Variants in FAM133B observed in about 807,000 individuals in gnomAD.
The protein encoded by FAM133B is family with sequence similarity 133 member B, also known as protein FAM133B.
In FAM133B, 25 loss-of-function variants were observed where a neutral mutation model predicts 46.4. The observed-to-expected ratio is 0.54, with a 90% CI of 0.39 to 0.75. The LOEUF is 0.75. Ranked by LOEUF, FAM133B falls within the 30% of genes least tolerant of loss-of-function variation. The pLI is 0.00. For missense variants in FAM133B, 205 were observed against 277.6 expected (o/e 0.74, Z 1.86); for synonymous variants, 75 against 86.0 (o/e 0.87, Z 0.71).
chr7:92,579,860 G>T (rs1300730919), intron 2 of FAM133B, among the ~76,000 whole-genome samples: 1 of 152,060 alleles, frequency 6.6e-6, no homozygotes, highest in Non-Finnish European at 1.5e-5. Context: ...ATTTAATAAG[G>T]TACCTAACAT....
chr7:92,575,113 T>G (rs1200697313), intron 8 of FAM133B, among the ~76,000 whole-genome samples: 2 of 152,202 alleles, frequency 1.3e-5, no homozygotes. Context: ...TTTACAATAG[T>G]AAGAAGATTT....
chr7:92,570,014 C>T, intron 8 of FAM133B, 99 bp from the exon 9 acceptor site: 1 of 489,398 alleles, frequency 2.0e-6, no homozygotes, highest in Non-Finnish European at 3.3e-6. Context: ...ATTATAATTA[C>T]CCATTTTTAT....
At chr7:92,563,298 C>T (rs1794215584) in intron 10 of FAM133B, among the ~76,000 whole-genome samples, 1 of 152,182 alleles carries the variant, frequency 6.6e-6, no homozygotes, top group African/African-American at 2.4e-5. Context: ...TTTCTCACTA[C>T]ATGTTTGAAG....
chr7:92,577,276 A>G, intron 6 of FAM133B, 81 bp from the exon 7 acceptor site: 1 of 936,248 alleles, frequency 1.1e-6, no homozygotes, highest in Non-Finnish European at 1.5e-6. Context: ...AACTTTTATC[A>G]GTGAACAAAA....
intron 8 of FAM133B, among the ~76,000 whole-genome samples, chr7:92,572,413 TC>T (rs1433474339): frequency 3.3e-5 from 5 of 152,290 alleles, no homozygotes; most frequent in Non-Finnish European, 7.4e-5. Flanking sequence ...GTCCAAAGTA[TC>T]CTTTAGAAAA....
intron 10 of FAM133B, chr7:92,565,571 C>T (rs1273665173): frequency 6.2e-6 from 1 of 161,798 alleles, no homozygotes. Context: ...TCACGCCATT[C>T]TCCTGCCTCA....
At chr7:92,578,032 G>T in intron 5 of FAM133B, 118 bp downstream of exon 5, 1 of 899,878 alleles carries the variant, frequency 1.1e-6, no homozygotes. Context: ...GAACCTCTAA[G>T]TTCCTTGACT....
rs1411468295 is a variant in FAM133B, at chr7:92,577,680, C to A, written c.347G>T (p.Ser116Ile). 1 of 1,584,796 alleles carries A rather than the reference C, an allele frequency of 6.3e-7. No homozygotes were observed. Among genetic ancestry groups the A allele is most frequent in the Admixed American group, 1.8e-5 (1 of 56,140 alleles). Reference sequence around the variant, plus strand: ...CTCATCTTCAGAATCAGAAGAACTGCTGGAAGAATCAGAGCTTGATGAAGA... The same window carrying A: ...CTCATCTTCAGAATCAGAAGAACTGATGGAAGAATCAGAGCTTGATGAAGA... ...SSSSSSSDSS[S>I]SSSDSEDEDK... The change falls in exon 6 of 11, where the codon AGC becomes ATC. Residue 116 changes from serine to isoleucine, a missense_variant. Physicochemically the swap from Ser to Ile is moderately radical, Grantham distance 142. Coordinates refer to ENST00000445716, the MANE Select transcript of FAM133B (RefSeq NM_152789.4).
chr7:92,579,439 T>G (rs1794800904), intron 2 of FAM133B, 44 bp from the exon 3 acceptor site: 1 of 1,380,112 alleles, frequency 7.2e-7, no homozygotes, highest in South Asian at 1.3e-5. Context: ...GCAATTCAAA[T>G]TAGATAAATG....
rs1477322276 is a variant in FAM133B at position 92,561,115 on chromosome 7, A to G, written c.*1167T>C. ...AAAGACAACAAACTTTTAAAACATT[A>G]CATTTACTAAGATTCTGGCAATAAG... is the stretch of plus-strand genomic sequence containing the variant. On this transcript the variant is annotated 3_prime_UTR_variant, in exon 11 of 11. Coordinates refer to ENST00000445716, the MANE Select transcript of FAM133B (RefSeq NM_152789.4). The G allele has an allele frequency of 6.6e-6, 1 of 152,294 alleles. No homozygotes were observed. The highest frequency in any genetic ancestry group is 1.9e-4 in the East Asian group (1 of 5,178). The allele number at this position is 152,294 out of a possible 1,614,324, so 9.4% of individuals were successfully genotyped here. A position where few individuals can be genotyped will look rare whatever the true frequency, so the allele number is the denominator to read the frequency against.
intron 1 of FAM133B, among the ~76,000 whole-genome samples, chr7:92,584,467 C>G (rs1273744309): frequency 6.6e-6 from 1 of 152,144 alleles, no homozygotes; most frequent in Non-Finnish European, 1.5e-5. Flanking sequence ...ACAACACATA[C>G]TGAGAACTAT....
chr7:92,570,141 C>T (rs966568474), intron 8 of FAM133B, among the ~76,000 whole-genome samples: 1 of 152,022 alleles, frequency 6.6e-6, no homozygotes, highest in Non-Finnish European at 1.5e-5. Flanking sequence ...TAATATCCAT[C>T]TTATTTTCTT....
chr7:92,575,824 A>T lies in FAM133B; in HGVS notation c.466-3T>A. ...TTCTTTTTCTTTTTTAAACTATCCT[A>T]AACAAAGAAATATATGTATCAATTT... On this transcript the variant is annotated splice_region_variant and splice_polypyrimidine_tract_variant and intron_variant, in intron 7 of 10. Coordinates refer to ENST00000445716, the MANE Select transcript of FAM133B (RefSeq NM_152789.4). 8.0e-7 allele frequency: 1 copy of T among 1,247,836 alleles called. No homozygotes were observed. The highest frequency in any genetic ancestry group is 1.2e-6 in the Non-Finnish European group (1 of 862,576). 77.3% of individuals were successfully genotyped at this position (1,247,836 alleles called of 1,614,324 possible).
At chr7:92,573,464 CTT>C (rs113673654) in intron 8 of FAM133B, among the ~76,000 whole-genome samples, 193 of 144,496 alleles carry the variant, frequency 1.3e-3, no homozygotes, top group African/African-American at 4.5e-3. Flanking sequence ...CTTTTTTCTT[CTT>C]TTTTTTTTTT....
rs1794176980 is a variant in FAM133B, at chr7:92,562,160, C to T, written c.*122G>A. ...GGCATCTGAGTGGCTACTGAATAGT[C>T]CAGGAATAATTCCAAAAACAAGAAA... On this transcript the variant is annotated 3_prime_UTR_variant, in exon 11 of 11. Transcript: ENST00000445716. The T allele has an allele frequency of 1.5e-5, 19 of 1,249,382 alleles. No homozygotes were observed. The South Asian group carries it at 2.8e-4, about 19-fold the overall frequency. 77.4% of individuals were successfully genotyped at this position (1,249,382 alleles called of 1,614,324 possible).
intron 1 of FAM133B, chr7:92,589,734 T>C (rs1795136064): frequency 6.5e-6 from 1 of 154,366 alleles, no homozygotes; most frequent in Non-Finnish European, 1.4e-5. Flanking sequence ...AATGCTGCCA[T>C]CCCATTTTCA....
intron 3 of FAM133B, chr7:92,579,081 A>G (rs1424208404): frequency 4.6e-6 from 2 of 437,060 alleles, no homozygotes; most frequent in East Asian, 9.3e-5. Context: ...CACCATAACA[A>G]TAACACTTCT....
intron 1 of FAM133B, among the ~76,000 whole-genome samples, chr7:92,583,739 C>T (rs1794955313): frequency 6.6e-6 from 1 of 151,844 alleles, no homozygotes; most frequent in Non-Finnish European, 1.5e-5. Context: ...TTATTTATTA[C>T]TATTATTATT....
In FAM133B at chr7:92,590,264, TC is replaced by T. The variant is rs1795163348; in HGVS notation, c.24+3del. On this transcript the variant is annotated splice_donor_region_variant and intron_variant, in intron 1 of 10. Coordinates refer to ENST00000445716, the MANE Select transcript of FAM133B (RefSeq NM_152789.4). ...CCCCACTGTTTTCCCGGCTGAGTAC[TC>T]ACCACCCGATTGTCCCGCTTCCCCA... The T allele has an allele frequency of 6.2e-7, 1 of 1,613,550 alleles. No individual in the cohort carries two copies. Among genetic ancestry groups the T allele is most frequent in the Admixed American group, 1.7e-5 (1 of 60,004 alleles).
Sources: gnomAD v4.1 joint callset for allele counts (sites outside exome capture counted in the v4.1 genomes callset) on GRCh38, gnomAD v4.1.1 for gene constraint, MANE v1.5 for transcripts, NCBI Gene and HGNC (gene_info 2026-07-23, HGNC 2026-07-21) for gene names.